Variants in ANK2 observed in about 807,000 individuals in gnomAD.
ANK2 encodes the protein ankyrin-2.
A neutral mutation model predicts 360.5 loss-of-function variants in ANK2; 83 were observed. The observed-to-expected ratio is 0.23, with a 90% CI of 0.19 to 0.28. The LOEUF is 0.28. ANK2 is among the 10% of genes least tolerant of loss of function. The probability of loss-of-function intolerance (pLI) is 1.00; values close to 1 mark genes in which losing one functional copy is unlikely to be tolerated. For missense variants in ANK2, 4,201 were observed against 4,795.7 expected (o/e 0.88, Z 3.66); for synonymous variants, 1,740 against 1,759.5 (o/e 0.99, Z 0.28).
intron 14 of ANK2, among the ~76,000 whole-genome samples, chr4:113,274,134 C>T (rs1230834501): frequency 6.6e-6 from 1 of 152,098 alleles, no homozygotes; most frequent in African/African-American, 2.4e-5. Flanking sequence ...AGATTTTATT[C>T]TTATTCCAAA....
chr4:113,009,580 G>A (rs1371820277), intron 2 of ANK2, among the ~76,000 whole-genome samples: 1 of 152,074 alleles, frequency 6.6e-6, no homozygotes, highest in Non-Finnish European at 1.5e-5. Context: ...TTAAAAACAT[G>A]TTTATCCTTT....
chr4:113,332,153 AT>A, intron 28 of ANK2, 83 bp downstream of exon 28: 4 of 1,243,054 alleles, frequency 3.2e-6, no homozygotes, highest in Non-Finnish European at 4.7e-6. Flanking sequence ...CTTTTTTGTC[AT>A]TGTGCCCATG....
chr4:112,813,684 C>T (rs768998371), upstream of ANK2, among the ~76,000 whole-genome samples: 1 of 152,134 alleles, frequency 6.6e-6, no homozygotes, highest in Non-Finnish European at 1.5e-5. Context: ...CACAGGTGTG[C>T]ACCACCATGC....
Position 113,365,279 on chromosome 4 carries a change from T to C in ANK2, c.11032+97T>C. On this transcript the variant is annotated intron_variant, in intron 41 of 45. Transcript: ENST00000357077. ...GAGGCACTGGACCTACTGTCTTTTT[T>C]TTTTTTCAGAAGGTAGACCATGGCC... The C allele has an allele frequency of 4.4e-6, 6 of 1,378,476 alleles. No homozygotes were observed. In the South Asian group the frequency reaches 4.9e-5, roughly 11 times the overall value. The allele number at this position is 1,378,476 out of a possible 1,614,324, so 85.4% of individuals were successfully genotyped here.
chr4:113,079,167 GT>G lies in ANK2; in HGVS notation c.84+29358del, dbSNP rs912064259. Among the ~76,000 whole-genome samples the G allele has an allele frequency of 2.2e-4, 33 of 152,264 alleles. 1 individual carries two copies. The highest frequency in any genetic ancestry group is 7.7e-4 in the African/African-American group (32 of 41,546). On this transcript the variant is annotated intron_variant, in intron 1 of 45. Coordinates refer to ENST00000357077, the MANE Select transcript of ANK2 (RefSeq NM_001148.6). ...ATTTAAGTAGAATTATGAGATTAAA[GT>G]TTGTACCTTTTCAGTATAGTTGACC...
the ANK2 span, among the ~76,000 whole-genome samples, chr4:112,783,034 C>T: frequency 3.9e-5 from 6 of 152,118 alleles, no homozygotes; most frequent in East Asian, 3.9e-4. Flanking sequence ...TTCAGCCTCC[C>T]GAGTAGCTGG....
intron 4 of ANK2, among the ~76,000 whole-genome samples, chr4:113,230,755 A>T (rs534609223): frequency 6.6e-6 from 1 of 152,218 alleles, no homozygotes; most frequent in African/African-American, 2.4e-5. Flanking sequence ...TTCAAATTTA[A>T]TTTTAAACTC....
At chr4:112,771,438 T>G in the ANK2 span, among the ~76,000 whole-genome samples, 1 of 152,084 alleles carries the variant, frequency 6.6e-6, no homozygotes, top group South Asian at 2.1e-4. Flanking sequence ...AGTATAAGTT[T>G]TTGTGACAGG....
chr4:113,380,131 C>T (rs1255256125), intron 45 of ANK2, among the ~76,000 whole-genome samples: 1 of 151,878 alleles, frequency 6.6e-6, no homozygotes, highest in Non-Finnish European at 1.5e-5. Context: ...ACAACACATT[C>T]GTCAAATACT....
rs2154074821 is a variant in ANK2 at position 113,373,368 on chromosome 4, A to T, written c.11778A>T (p.Glu3926Asp). The T allele has an allele frequency of 6.2e-7, 1 of 1,614,184 alleles. No homozygotes were observed. Among genetic ancestry groups the T allele is most frequent in the East Asian group, 2.2e-5 (1 of 44,878 alleles). ...TTATGGTGCAGGGAATGCCACAGGAACCTGTCAACATCGAGGAAGGGGATG... is the reference window on the plus strand; with the variant it reads ...TTATGGTGCAGGGAATGCCACAGGATCCTGTCAACATCGAGGAAGGGGATG... ...EEIMVQGMPQ[E>D]PVNIEEGDGY... Residue 3926 changes from glutamate (E) to aspartate (D), a missense_variant, in exon 45 of 46, where the codon GAA (glutamate) becomes GAT (aspartate). By Grantham distance (45) the Glu-to-Asp change is conservative. This residue lies in a region of ANK2 where 2,642 missense variants were observed against 2,714.5 expected (regional missense o/e 0.97). Transcript: ENST00000357077.
Position 113,022,042 on chromosome 4 carries a change from T to C in ANK2, c.21+117528T>C, listed in dbSNP as rs1421411711. ...TTATATTAATATGTAAACCTTGACA[T>C]AAAAATTTGGGGATTCTTTGGTGAT... On this transcript the variant is annotated intron_variant, in intron 2 of 30. Transcript: ENST00000503271. Among the ~76,000 whole-genome samples the C allele has an allele frequency of 2.6e-5, 4 of 152,176 alleles. No individual in the cohort carries two copies. In the East Asian group the frequency reaches 7.7e-4, roughly 29 times the overall value.
At chr4:113,202,309 T>C (rs980258831) in intron 4 of ANK2, among the ~76,000 whole-genome samples, 1 of 152,194 alleles carries the variant, frequency 6.6e-6, no homozygotes. Flanking sequence ...TACTGTCTTA[T>C]GTAAGATACA....
rs1197100754 is a variant in ANK2 at position 112,881,976 on chromosome 4, C to T, written c.-39-22479C>T. ...CCTCCACAGTGGCATACGTGACAAA[C>T]CCAGAGCCCCCGGAGTGCTTGGTGC... On this transcript the variant is annotated intron_variant, in intron 1 of 30. Coordinates refer to the ANK2 transcript ENST00000503271. The T allele has an allele frequency of 2.0e-5, 12 of 598,696 alleles. No homozygotes were observed. In the East Asian group the frequency reaches 3.6e-4, roughly 18 times the overall value. 37.1% of individuals were successfully genotyped at this position (598,696 alleles called of 1,614,324 possible).
intron 1 of ANK2, among the ~76,000 whole-genome samples, chr4:112,872,681 G>T (rs1192620315): frequency 6.6e-6 from 1 of 152,124 alleles, no homozygotes; most frequent in African/African-American, 2.4e-5. Context: ...TTATTTTCTT[G>T]TAATTCTTTG....
intron 23 of ANK2, among the ~76,000 whole-genome samples, chr4:113,309,528 T>C (rs142678816): frequency 4.5e-4 from 68 of 152,274 alleles, no homozygotes; most frequent in African/African-American, 1.6e-3. Flanking sequence ...GTTTGTTTTT[T>C]GTTTTTTTGA....
chr4:113,048,822 A>G (rs1390253960), upstream of ANK2, among the ~76,000 whole-genome samples: 6 of 152,006 alleles, frequency 3.9e-5, no homozygotes, highest in African/African-American at 1.4e-4. Context: ...TTTATTACTG[A>G]TAGTGTCTTA....
At chr4:113,135,763 T>G (rs751225795) in intron 1 of ANK2, among the ~76,000 whole-genome samples, 18 of 152,170 alleles carry the variant, frequency 1.2e-4, no homozygotes, top group Non-Finnish European at 2.4e-4. Context: ...TTTTTGTTCT[T>G]TTCATTCCTC....
chr4:112,728,292 C>CAAAAAA, the ANK2 span, among the ~76,000 whole-genome samples: 582 of 40,150 alleles, frequency 0.014, 13 homozygotes, highest in East Asian at 0.044. Flanking sequence ...GACTCTGTCT[C>CAAAAAA]AAAAAAAAAA....
intron 20 of ANK2, among the ~76,000 whole-genome samples, chr4:113,291,616 G>A (rs1009190345): frequency 3.3e-5 from 5 of 152,294 alleles, no homozygotes; most frequent in East Asian, 1.9e-4. Context: ...TTGGATGAAA[G>A]GGGTATGTAC....
Sources: gnomAD v4.1 joint callset for allele counts (sites outside exome capture counted in the v4.1 genomes callset) on GRCh38, gnomAD v4.1.1 for gene constraint, gnomAD v4.1.1 regional missense constraint, MANE v1.5 for transcripts, NCBI Gene and HGNC (gene_info 2026-07-23, HGNC 2026-07-21) for gene names.